The following SMTN variants were observed in gnomAD, a reference collection of about 807,000 sequenced individuals.
SMTN encodes the protein smoothelin.
In SMTN, 58 loss-of-function variants were observed where a neutral mutation model predicts 102.0. That is an observed-to-expected ratio of 0.57 (90% CI 0.46 to 0.71). The LOEUF is 0.71. Ranked by LOEUF, SMTN falls within the 30% of genes least tolerant of loss-of-function variation. The pLI, the probability that SMTN is intolerant of heterozygous loss-of-function variation, is 0.00. For synonymous variants in SMTN, 478 were observed against 497.9 expected, an observed-to-expected ratio of 0.96 and a Z score of 0.53; for missense variants, 1,185 against 1,241.7, an observed-to-expected ratio of 0.95 and a Z score of 0.69.
intron 20 of SMTN, chr22:31,102,971 G>C (rs2044216793): frequency 6.6e-6 from 1 of 152,246 alleles, no homozygotes; most frequent in Non-Finnish European, 1.5e-5. Context: ...CTAAATTCTT[G>C]TAAGGTCTCA....
chr22:31,102,090 C>T (rs1470610728), intron 20 of SMTN: 1 of 152,192 alleles, frequency 6.6e-6, no homozygotes, highest in Non-Finnish European at 1.5e-5. Flanking sequence ...ACCAGTTCAA[C>T]AGGAAGATGT....
chr22:31,091,625 T>C, intron 10 of SMTN, 50 bp from the exon 11 acceptor site: 1 of 1,542,772 alleles, frequency 6.5e-7, no homozygotes, highest in Non-Finnish European at 8.8e-7. Flanking sequence ...TGTCTGGCAC[T>C]GCCCTCACTC....
intron 14 of SMTN, 33 bp from the exon 15 acceptor site, chr22:31,096,965 C>A (rs11704852): frequency 0.041 from 65,584 of 1,613,748 alleles, 1,549 homozygotes; most frequent in Middle Eastern, 0.092. Context: ...CCCCCTGTGC[C>A]TTTCACATCC....
intron 11 of SMTN, chr22:31,092,442 C>A (rs1299301488): frequency 2.1e-6 from 1 of 471,058 alleles, no homozygotes; most frequent in Non-Finnish European, 4.4e-6. Flanking sequence ...TACGCAGCAC[C>A]CTTCCATTAT....
intron 11 of SMTN, chr22:31,093,779 T>A (rs2043340366): frequency 6.3e-7 from 1 of 1,595,400 alleles, no homozygotes; most frequent in Non-Finnish European, 8.5e-7. Context: ...GAGGCCCTCT[T>A]TCAGGCTGCC....
In SMTN at chr22:31,090,834, C is replaced by T. The variant is rs772378463; in HGVS notation, c.892C>T (p.Arg298Cys). 15 of 1,613,790 alleles carry T rather than the reference C, an allele frequency of 9.3e-6. No homozygotes were observed. Among genetic ancestry groups the T allele is most frequent in the Admixed American group, 1.7e-5 (1 of 59,982 alleles). ...ADVAGPRPCQ[R>C]SLSVLSPRQP... ...CGTGGCTGGACCCCGACCCTGCCAA[C>T]GCTCCCTGTCGGTGCTCAGCCCCCG... The change falls in exon 9 of 21, where the codon CGC becomes TGC. Residue 298 changes from arginine to cysteine, a missense_variant. Coordinates refer to ENST00000333137, the MANE Select transcript of SMTN (RefSeq NM_134269.3).
At position 31,091,107 on chromosome 22, in the gene SMTN, G is replaced by T. The variant is rs767210938; in HGVS notation, c.1084G>T (p.Ala362Ser). The T allele has an allele frequency of 1.9e-6, 3 of 1,613,682 alleles. No homozygotes were observed. Among genetic ancestry groups the T allele is most frequent in the African/African-American group, 1.3e-5 (1 of 74,854 alleles). Reference protein sequence around the residue: ...PQAALSPLTPARLLGPSLTST... With the variant: ...PQAALSPLTPSRLLGPSLTST... Reference sequence around the variant, plus strand: ...GGCTGCCCTAAGTCCCCTGACCCCCGCAAGGCTCCTGGGCCCCTCCCTCAC... The same window carrying T: ...GGCTGCCCTAAGTCCCCTGACCCCCTCAAGGCTCCTGGGCCCCTCCCTCAC... Residue 362 changes from alanine (A) to serine (S), a missense_variant, in exon 10 of 21, where the codon GCA (alanine) becomes TCA (serine). Physicochemically the swap from Ala to Ser is moderately conservative, Grantham distance 99. Coordinates refer to ENST00000333137, the MANE Select transcript of SMTN (RefSeq NM_134269.3).
chr22:31,104,363 T>C lies in SMTN; in HGVS notation c.*68T>C. ...CTGGTGGAGGTGGACGACATGATGA[T>C]CATGGGCAAGAAGCCTGACCCCAAG... On this transcript the variant is annotated 3_prime_UTR_variant, in exon 21 of 21. Transcript: ENST00000333137. 6.2e-7 allele frequency: 1 copy of C among 1,614,050 alleles called. No homozygotes were observed. Among genetic ancestry groups the C allele is most frequent in the Non-Finnish European group, 8.5e-7 (1 of 1,179,994 alleles).
At chr22:31,097,406 G>A (rs1001713859) in intron 16 of SMTN, 68 bp downstream of exon 16, 23 of 1,407,296 alleles carry the variant, frequency 1.6e-5, no homozygotes, top group Admixed American at 1.3e-4. Flanking sequence ...CTGCAAACCC[G>A]TTTTACAGAG....
At chr22:31,083,426 G>A in intron 2 of SMTN, 117 bp downstream of exon 2, 1 of 1,274,638 alleles carries the variant, frequency 7.8e-7, no homozygotes, top group Non-Finnish European at 1.1e-6. Flanking sequence ...CAGGAGGAGG[G>A]GGACATGGGA....
At position 31,100,921 on chromosome 22, in the gene SMTN, G is replaced by A; in HGVS notation, c.2640G>A (p.Glu880=). The A allele has an allele frequency of 6.2e-7, 1 of 1,606,702 alleles. No individual in the cohort carries two copies. The highest frequency in any genetic ancestry group is 8.5e-7 in the Non-Finnish European group (1 of 1,176,782). Residue 880 remains glutamate (E), a synonymous_variant, in exon 20 of 21, where the codon GAG becomes GAA. Coordinates refer to ENST00000333137, the MANE Select transcript of SMTN (RefSeq NM_134269.3). The part of the protein sequence containing the change: ...HADCPQLLDT[E]DMVRLREPDW... Reference sequence around the variant, plus strand: ...ACTGCCCGCAGCTCCTGGATACAGAGGACATGGTGCGGCTTCGAGAGCCTG... The same window carrying A: ...ACTGCCCGCAGCTCCTGGATACAGAAGACATGGTGCGGCTTCGAGAGCCTG...
chr22:31,090,129 AC>A lies in SMTN; in HGVS notation c.818del (p.Pro273LeufsTer84), dbSNP rs745928224. On this transcript the variant is annotated frameshift_variant, in exon 8 of 21. Coordinates refer to ENST00000333137, the MANE Select transcript of SMTN (RefSeq NM_134269.3). LOFTEE classifies it high-confidence loss of function. Reference protein sequence around the residue: ...VNKLLSGPKETPAAQSPTRGP... With the variant: ...VNKLLSGPKEXPAAQSPTRGP... ...GCAGCTTCTGTCTGGCCCCAAAGAG[AC>A]CCCTGCTGCCCAGAGCCCCACCAGA... is the stretch of plus-strand genomic sequence containing the variant. The A allele has an allele frequency of 1.2e-5, 19 of 1,612,010 alleles. No homozygotes were observed. Among genetic ancestry groups the A allele is most frequent in the Non-Finnish European group, 1.6e-5 (19 of 1,179,174 alleles).
In SMTN at chr22:31,091,738, C is replaced by T. The variant is rs1367976416; in HGVS notation, c.1523C>T (p.Thr508Ile). ...LLSTSSGGKS[T>I]ITRVNSPGTL... Reference sequence around the variant, plus strand: ...AGCACCAGTAGTGGGGGCAAGAGCACCATCACCCGTGTCAACAGCCCTGGG... The same window carrying T: ...AGCACCAGTAGTGGGGGCAAGAGCATCATCACCCGTGTCAACAGCCCTGGG... Residue 508 changes from threonine (T) to isoleucine (I), a missense_variant, in exon 11 of 21, where the codon ACC (threonine) becomes ATC (isoleucine). Thr to Ile is a moderately conservative substitution (Grantham distance 89). This residue lies in a region of SMTN where 1,096 missense variants were observed against 1,112.7 expected (regional missense o/e 0.98). Transcript: ENST00000333137. 6.2e-7 allele frequency: 1 copy of T among 1,612,846 alleles called. No homozygotes were observed. Among genetic ancestry groups the T allele is most frequent in the South Asian group, 1.1e-5 (1 of 91,018 alleles).
At chr22:31,082,672 C>A in intron 1 of SMTN, 1 of 640,276 alleles carries the variant, frequency 1.6e-6, no homozygotes. Context: ...TCGGAAGACA[C>A]AGTGTACCTT....
chr22:31,095,397 G>A lies in SMTN; in HGVS notation c.1727G>A (p.Ser576Asn). The change falls in exon 12 of 21, where the codon AGC (serine) becomes AAC (asparagine). Residue 576 changes from serine (S) to asparagine (N), a missense_variant. Around this residue, in one of 2 missense-constraint regions of SMTN, gnomAD observed 1,096 missense variants for 1,112.7 expected, o/e 0.98. Coordinates refer to ENST00000333137, the MANE Select transcript of SMTN (RefSeq NM_134269.3). The surrounding 1 kb of genome is among the most constrained non-coding windows in gnomAD (Gnocchi z 4.1). ...TRVNKAPEGRSPLSAEELMTI... is the reference protein window; with the variant it reads ...TRVNKAPEGRNPLSAEELMTI... The stretch of plus-strand genomic sequence containing the variant: ...GTGAACAAAGCACCAGAAGGGCGGA[G>A]CCCTCTGAGCGCTGAGGAGCTGATG... The A allele has an allele frequency of 1.2e-6, 2 of 1,614,258 alleles. No homozygotes were observed. The highest frequency in any genetic ancestry group is 1.7e-6 in the Non-Finnish European group (2 of 1,180,036).
intron 1 of SMTN, chr22:31,082,480 T>C: frequency 4.2e-6 from 2 of 474,882 alleles, no homozygotes; most frequent in South Asian, 1.5e-5. Context: ...TCCTCCTTGC[T>C]CAGTGACAAA....
At chr22:31,073,277 A>G (rs1257874075) in intron 1 of SMTN, among the ~76,000 whole-genome samples, 1 of 152,116 alleles carries the variant, frequency 6.6e-6, no homozygotes, top group Non-Finnish European at 1.5e-5. Context: ...GCATGCACGC[A>G]TGCACGCCAG....
chr22:31,093,218 T>G lies in SMTN; in HGVS notation c.1632+1371T>G, dbSNP rs114060222. The G allele has an allele frequency of 3.9e-3, 978 of 250,750 alleles. 11 individuals carry two copies. The highest frequency in any genetic ancestry group is 0.021 in the African/African-American group (926 of 43,574). The allele number at this position is 250,750 out of a possible 1,614,324, so 15.5% of individuals were successfully genotyped here. The stretch of plus-strand genomic sequence containing the variant: ...AGCCAGGCCTGGCGATCCGCCTGCT[T>G]GGGCAGGCCCCCCCTCCCCCACTGC... On this transcript the variant is annotated intron_variant, in intron 11 of 20. Coordinates refer to ENST00000333137, the MANE Select transcript of SMTN (RefSeq NM_134269.3).
At chr22:31,087,278 G>A (rs1447654607) in intron 2 of SMTN, 1 of 152,284 alleles carries the variant, frequency 6.6e-6, no homozygotes, top group Non-Finnish European at 1.5e-5. Context: ...GGTAGAAGCA[G>A]CTGTCACCCA....
Sources: allele counts gnomAD v4.1 joint callset (sites outside exome capture counted in the v4.1 genomes callset), GRCh38; gene constraint gnomAD v4.1.1; regional missense constraint gnomAD v4.1.1; non-coding constraint Gnocchi (gnomAD v3.1); transcripts MANE v1.5; gene names NCBI Gene and HGNC (gene_info 2026-07-23, HGNC 2026-07-21).